Variants in DACH1 observed in about 807,000 individuals in gnomAD.
DACH1 encodes dachshund homolog 1.
DACH1 carries 12 observed loss-of-function variants against 54.2 expected under a neutral mutation model. That is an observed-to-expected ratio of 0.22 (90% CI 0.14 to 0.36). The LOEUF is 0.36. Among genes scored for constraint, DACH1 ranks in the 10% least tolerant of loss-of-function variants. The pLI, the probability that DACH1 is intolerant of heterozygous loss-of-function variation, is 1.00. For missense variants in DACH1, 805 were observed against 929.8 expected, an observed-to-expected ratio of 0.87 and a Z score of 1.75; for synonymous variants, 386 against 366.2, an observed-to-expected ratio of 1.05 and a Z score of -0.62.
intron 2 of DACH1, among the ~76,000 whole-genome samples, chr13:71,662,895 T>C (rs1306110569): frequency 6.6e-6 from 1 of 152,002 alleles, no homozygotes; most frequent in Non-Finnish European, 1.5e-5. Flanking sequence ...ACTCTCTTGG[T>C]ATTGCTACTT....
rs117721182 is a variant in DACH1, at chr13:71,483,164, T to A, written c.1723-3848A>T. ...TATAATACCATACTCTTTAATGCTATGATTATTGTCCTGCAACGCCGATGT... is the reference window on the plus strand; with the variant it reads ...TATAATACCATACTCTTTAATGCTAAGATTATTGTCCTGCAACGCCGATGT... On this transcript the variant is annotated intron_variant, in intron 7 of 10. Transcript: ENST00000613252. 5.5e-3 allele frequency among the ~76,000 whole-genome samples: 837 copies of A among 150,932 alleles called. 2 individuals carry two copies. Among genetic ancestry groups the A allele is most frequent in the Non-Finnish European group, 8.4e-3 (569 of 67,964 alleles).
At chr13:71,781,702 A>G (rs1276525795) in intron 1 of DACH1, among the ~76,000 whole-genome samples, 2 of 152,200 alleles carry the variant, frequency 1.3e-5, no homozygotes, top group African/African-American at 2.4e-5. Context: ...TAGGATTCTT[A>G]GACGACCTAA....
intron 3 of DACH1, among the ~76,000 whole-genome samples, chr13:71,574,175 C>G (rs905872964): frequency 6.6e-6 from 1 of 152,114 alleles, no homozygotes; most frequent in Non-Finnish European, 1.5e-5. Context: ...CAATGCCACT[C>G]AACTGAGGGC....
intron 3 of DACH1, among the ~76,000 whole-genome samples, chr13:71,618,723 A>G (rs1875973633): frequency 1.3e-5 from 2 of 151,930 alleles, no homozygotes; most frequent in African/African-American, 4.8e-5. Flanking sequence ...TTTATTTTAA[A>G]AGCCTACTCA....
intron 1 of DACH1, among the ~76,000 whole-genome samples, chr13:71,775,357 G>A (rs1886025186): frequency 6.6e-6 from 1 of 151,806 alleles, no homozygotes; most frequent in Admixed American, 6.6e-5. Flanking sequence ...ACAGATAACA[G>A]TTATTCTGGT....
chr13:71,620,408 T>C (rs929446261), intron 3 of DACH1, among the ~76,000 whole-genome samples: 3 of 151,964 alleles, frequency 2.0e-5, no homozygotes, highest in Non-Finnish European at 2.9e-5. Context: ...ATGAAAACTA[T>C]TGAAATTGAT....
intron 1 of DACH1, among the ~76,000 whole-genome samples, chr13:71,749,293 T>C (rs1392194148): frequency 6.6e-6 from 1 of 152,052 alleles, no homozygotes; most frequent in Non-Finnish European, 1.5e-5. Flanking sequence ...CTATTTTCTA[T>C]ATTTTTCTGT....
intron 1 of DACH1, among the ~76,000 whole-genome samples, chr13:71,742,510 A>T (rs1316323429): frequency 9.2e-5 from 14 of 152,262 alleles, no homozygotes; most frequent in African/African-American, 3.4e-4. Context: ...CATTCCTAAA[A>T]TTTATTCATA....
intron 3 of DACH1, among the ~76,000 whole-genome samples, chr13:71,626,155 T>G (rs1327033557): frequency 6.6e-6 from 1 of 151,944 alleles, no homozygotes; most frequent in East Asian, 1.9e-4. Flanking sequence ...TTTAATGTAT[T>G]TATCTTTAAA....
intron 2 of DACH1, among the ~76,000 whole-genome samples, chr13:71,651,656 A>C (rs145401835): frequency 2.0e-5 from 3 of 146,956 alleles, no homozygotes; most frequent in East Asian, 4.1e-4. Flanking sequence ...ATGCATGTAT[A>C]TGTATCTGTA....
intron 10 of DACH1, among the ~76,000 whole-genome samples, chr13:71,451,073 T>G (rs1468792011): frequency 6.6e-6 from 1 of 152,108 alleles, no homozygotes; most frequent in Non-Finnish European, 1.5e-5. Flanking sequence ...ATCATCATCG[T>G]CAACTATCTA....
chr13:71,822,183 T>G (rs1888218353), intron 1 of DACH1, among the ~76,000 whole-genome samples: 1 of 152,182 alleles, frequency 6.6e-6, no homozygotes, highest in Admixed American at 6.5e-5. Flanking sequence ...TATGAGTCTT[T>G]TAGTGTCATG....
intron 7 of DACH1, among the ~76,000 whole-genome samples, chr13:71,480,054 G>C (rs980813338): frequency 6.6e-6 from 1 of 152,082 alleles, no homozygotes; most frequent in South Asian, 2.1e-4. Flanking sequence ...ACTGATTTAT[G>C]TTATGTCTTC....
intron 1 of DACH1, among the ~76,000 whole-genome samples, chr13:71,772,784 A>T (rs1885913074): frequency 6.6e-6 from 1 of 151,804 alleles, no homozygotes; most frequent in Non-Finnish European, 1.5e-5. Context: ...TCTTAAATAA[A>T]GAAAAAAGTT....
chr13:71,745,533 T>G (rs981528068), intron 1 of DACH1, among the ~76,000 whole-genome samples: 1 of 152,216 alleles, frequency 6.6e-6, no homozygotes, highest in Non-Finnish European at 1.5e-5. Context: ...GAAACATAGC[T>G]TCACAGATTT....
intron 10 of DACH1, among the ~76,000 whole-genome samples, chr13:71,456,611 C>G (rs1340319930): frequency 6.6e-6 from 1 of 152,018 alleles, no homozygotes; most frequent in South Asian, 2.1e-4. Flanking sequence ...TTCACAGTTG[C>G]ACTTGGACGA....
At chr13:71,640,098 C>T (rs1308167241) in intron 2 of DACH1, among the ~76,000 whole-genome samples, 2 of 151,924 alleles carry the variant, frequency 1.3e-5, no homozygotes, top group South Asian at 4.1e-4. Flanking sequence ...TCCCAATTCG[C>T]CTTACTCCCA....
intron 1 of DACH1, among the ~76,000 whole-genome samples, chr13:71,841,497 A>G (rs762024080): frequency 6.6e-6 from 1 of 152,082 alleles, no homozygotes; most frequent in Non-Finnish European, 1.5e-5. Context: ...GGATATGACT[A>G]TTTTTCTTGG....
At chr13:71,777,666 T>C (rs888905378) in intron 1 of DACH1, among the ~76,000 whole-genome samples, 3 of 152,140 alleles carry the variant, frequency 2.0e-5, no homozygotes, top group African/African-American at 4.8e-5. Flanking sequence ...GCTATATTTT[T>C]TCCTAAATTT....
Sources: gnomAD v4.1 joint callset for allele counts (sites outside exome capture counted in the v4.1 genomes callset) on GRCh38, gnomAD v4.1.1 for gene constraint, MANE v1.5 for transcripts, NCBI Gene and HGNC (gene_info 2026-07-23, HGNC 2026-07-21) for gene names.